The following PPARGC1A variants were observed in gnomAD, a reference collection of about 807,000 sequenced individuals.
The protein encoded by PPARGC1A is peroxisome proliferator-activated receptor gamma coactivator 1-alpha.
In PPARGC1A, 25 loss-of-function variants were observed where a neutral mutation model predicts 88.7. That is an observed-to-expected ratio of 0.28 (90% CI 0.21 to 0.39). PPARGC1A has a LOEUF of 0.39. PPARGC1A is among the 10% of genes least tolerant of loss of function. The pLI, the probability that PPARGC1A is intolerant of heterozygous loss-of-function variation, is 1.00. For synonymous variants in PPARGC1A, 363 were observed against 355.6 expected (o/e 1.02, Z -0.24); for missense variants, 880 against 968.7 (o/e 0.91, Z 1.22).
At chr4:24,319,835 C>T in the PPARGC1A span, among the ~76,000 whole-genome samples, 3 of 152,158 alleles carry the variant, frequency 2.0e-5, no homozygotes, top group Non-Finnish European at 4.4e-5. Flanking sequence ...GGATATGTTA[C>T]CTTTCTCTAA....
chr4:23,885,002 C>T, intron 1 of PPARGC1A, 71 bp from the exon 2 acceptor site: 2 of 1,326,654 alleles, frequency 1.5e-6, no homozygotes, highest in South Asian at 1.6e-5. Context: ...ACTGCAATAG[C>T]ATGTGATAGG....
At chr4:24,213,334 T>A in the PPARGC1A span, among the ~76,000 whole-genome samples, 2 of 151,918 alleles carry the variant, frequency 1.3e-5, no homozygotes, top group African/African-American at 4.8e-5. Flanking sequence ...GCCCGGCTAA[T>A]TTTTTGTATT....
At chr4:24,426,891 A>G in the PPARGC1A span, among the ~76,000 whole-genome samples, 641 of 152,346 alleles carry the variant, frequency 4.2e-3, 3 homozygotes, top group African/African-American at 0.015. Context: ...GGCTCCAGTA[A>G]GGCAGGTGAA....
chr4:23,962,971 A>G, the PPARGC1A span, among the ~76,000 whole-genome samples: 3 of 152,136 alleles, frequency 2.0e-5, no homozygotes, highest in Non-Finnish European at 4.4e-5. Context: ...CATGCTCATG[A>G]GCGGGGGAAA....
At chr4:24,176,697 G>A in the PPARGC1A span, among the ~76,000 whole-genome samples, 1 of 152,056 alleles carries the variant, frequency 6.6e-6, no homozygotes, top group Non-Finnish European at 1.5e-5. Context: ...CTCTCACAGA[G>A]AAGCATAACC....
At chr4:23,993,876 T>C in the PPARGC1A span, among the ~76,000 whole-genome samples, 1 of 152,094 alleles carries the variant, frequency 6.6e-6, no homozygotes, top group Non-Finnish European at 1.5e-5. Context: ...TAGGATGCCA[T>C]TCAGTACTCT....
At chr4:23,822,470 C>A (rs910406945) in intron 7 of PPARGC1A, among the ~76,000 whole-genome samples, 1 of 151,992 alleles carries the variant, frequency 6.6e-6, no homozygotes, top group Admixed American at 6.6e-5. Context: ...CCTTTAACTG[C>A]CTTTATCATT....
chr4:23,829,504 T>G lies in PPARGC1A; in HGVS notation c.511A>C (p.Asn171His). Residue 171 changes from asparagine to histidine, a missense_variant, in exon 4 of 13, where the codon AAT becomes CAT. Coordinates refer to ENST00000264867, the MANE Select transcript of PPARGC1A (RefSeq NM_013261.5). Reference sequence around the variant, plus strand: ...TTTGTTCTGATCCTGTGATTGTGATTTGCATGGTTCTGGGTACTGAGACCA... The same window carrying G: ...TTTGTTCTGATCCTGTGATTGTGATGTGCATGGTTCTGGGTACTGAGACCA... ...CSGLSTQNHA[N>H]HNHRIRTNPA... The G allele has an allele frequency of 1.9e-6, 3 of 1,613,894 alleles. No homozygotes were observed. The highest frequency in any genetic ancestry group is 2.5e-6 in the Non-Finnish European group (3 of 1,179,768).
the PPARGC1A span, among the ~76,000 whole-genome samples, chr4:24,019,638 A>C: frequency 6.6e-6 from 1 of 152,172 alleles, no homozygotes; most frequent in African/African-American, 2.4e-5. Flanking sequence ...TCTTACCAAC[A>C]CCACCAACAC....
At chr4:24,151,894 T>C in the PPARGC1A span, among the ~76,000 whole-genome samples, 1 of 152,196 alleles carries the variant, frequency 6.6e-6, no homozygotes, top group African/African-American at 2.4e-5. Flanking sequence ...AATTGAATAG[T>C]AGTTGAAATA....
the PPARGC1A span, among the ~76,000 whole-genome samples, chr4:24,367,335 C>G: frequency 6.6e-6 from 1 of 152,136 alleles, no homozygotes; most frequent in Admixed American, 6.6e-5. Flanking sequence ...ATTGTTTAGT[C>G]TAGAATCAAG....
chr4:24,070,686 G>A, the PPARGC1A span, among the ~76,000 whole-genome samples: 5 of 152,092 alleles, frequency 3.3e-5, no homozygotes, highest in African/African-American at 9.7e-5. Flanking sequence ...GCAAACTACG[G>A]TCCATGGACC....
chr4:23,865,281 C>A (rs1162853433), intron 2 of PPARGC1A, among the ~76,000 whole-genome samples: 3 of 152,142 alleles, frequency 2.0e-5, no homozygotes, highest in Admixed American at 6.5e-5. Context: ...GACTGGCCAG[C>A]GTTTCTGAGG....
chr4:23,901,427 C>T (rs1377725537), upstream of PPARGC1A, among the ~76,000 whole-genome samples: 1 of 149,636 alleles, frequency 6.7e-6, no homozygotes, highest in Non-Finnish European at 1.5e-5. Flanking sequence ...GCCTATAGTC[C>T]CAGCTACTCG....
At chr4:24,258,087 C>T in the PPARGC1A span, 2 of 361,868 alleles carry the variant, frequency 5.5e-6, no homozygotes, top group Non-Finnish European at 7.7e-6. Context: ...GTCAGATTAT[C>T]AATATCTGGG....
the PPARGC1A span, among the ~76,000 whole-genome samples, chr4:24,433,200 T>G: frequency 6.6e-6 from 1 of 152,356 alleles, no homozygotes; most frequent in African/African-American, 2.4e-5. Flanking sequence ...CCTGCCAGAT[T>G]GACTTTTTCT....
the PPARGC1A span, among the ~76,000 whole-genome samples, chr4:24,010,760 C>T: frequency 6.6e-6 from 1 of 152,076 alleles, no homozygotes; most frequent in Non-Finnish European, 1.5e-5. Context: ...AACTTGAAAC[C>T]GTTTACACAG....
the PPARGC1A span, among the ~76,000 whole-genome samples, chr4:24,226,403 G>T: frequency 2.0e-5 from 3 of 152,308 alleles, no homozygotes; most frequent in South Asian, 2.1e-4. Context: ...GCTGGGGAAA[G>T]GCTGTTCACC....
At chr4:23,871,334 A>C (rs2148768921) in intron 2 of PPARGC1A, among the ~76,000 whole-genome samples, 1 of 152,344 alleles carries the variant, frequency 6.6e-6, no homozygotes, top group South Asian at 2.1e-4. Context: ...TAAAGGAGCT[A>C]GACAGTGGCA....
Sources: gnomAD v4.1 joint callset for allele counts (sites outside exome capture counted in the v4.1 genomes callset) on GRCh38, gnomAD v4.1.1 for gene constraint, MANE v1.5 for transcripts, NCBI Gene and HGNC (gene_info 2026-07-23, HGNC 2026-07-21) for gene names.